Variants in KRT6A observed in about 807,000 individuals in gnomAD.
KRT6A encodes keratin 6A.
A neutral mutation model predicts 48.6 loss-of-function variants in KRT6A; 28 were observed. The ratio of observed to expected loss-of-function variants is 0.58; its 90% CI spans 0.43 to 0.79. KRT6A has a LOEUF of 0.79. Among genes scored for constraint, KRT6A ranks in the 30% least tolerant of loss-of-function variants. The pLI is 0.00. For missense variants in KRT6A, 687 were observed against 724.3 expected, an observed-to-expected ratio of 0.95 and a Z score of 0.59; for synonymous variants, 301 against 294.2, an observed-to-expected ratio of 1.02 and a Z score of -0.24.
chr12:52,491,278 C>T, intron 2 of KRT6A, 106 bp from the exon 3 acceptor site: 1 of 1,597,718 alleles, frequency 6.3e-7, no homozygotes, highest in Non-Finnish European at 8.6e-7. Flanking sequence ...TCTAATTGGG[C>T]TTTCCTGCCA....
At chr12:52,491,252 C>G in intron 2 of KRT6A, 80 bp from the exon 3 acceptor site, 1 of 1,609,322 alleles carries the variant, frequency 6.2e-7, no homozygotes, top group Non-Finnish European at 8.5e-7. Flanking sequence ...TCAACATTTT[C>G]CCGAATGGAA....
Position 52,490,023 on chromosome 12 carries a change from G to C in KRT6A, c.1123C>G (p.Arg375Gly). Residue 375 changes from arginine to glycine, a missense_variant, in exon 6 of 9, where the codon CGC becomes GGC. Arg to Gly is a moderately radical substitution (Grantham distance 125, BLOSUM62 -2). Coordinates refer to ENST00000330722, the MANE Select transcript of KRT6A (RefSeq NM_005554.4). ...VTAGRHGDDL[R>G]NTKQEIAEIN... ...TCAGCAATCTCCTGCTTGGTGTTGCGCAGGTCGTCCCCATGTCTGCCTGCT... is the reference window on the plus strand; with the variant it reads ...TCAGCAATCTCCTGCTTGGTGTTGCCCAGGTCGTCCCCATGTCTGCCTGCT... 1 of 1,613,974 alleles carries C rather than the reference G, an allele frequency of 6.2e-7. No individual in the cohort carries two copies. Among genetic ancestry groups the C allele is most frequent in the Non-Finnish European group, 8.5e-7 (1 of 1,180,010 alleles).
intron 1 of KRT6A, 114 bp from the exon 2 acceptor site, chr12:52,491,850 C>T: frequency 7.4e-7 from 1 of 1,358,444 alleles, no homozygotes. Flanking sequence ...TACTACAGTG[C>T]ATGTAGAGAG....
chr12:52,489,339 C>A (rs775241279), intron 6 of KRT6A, among the ~76,000 whole-genome samples: 5 of 152,046 alleles, frequency 3.3e-5, no homozygotes, highest in Non-Finnish European at 7.4e-5. Flanking sequence ...AGTGCAGTGG[C>A]GCGGTATCGA....
chr12:52,492,664 G>A lies in KRT6A; in HGVS notation c.525C>T (p.Ala175=), dbSNP rs1358314089. 2 of 1,613,938 alleles carry A rather than the reference G, an allele frequency of 1.2e-6. No individual in the cohort carries two copies. Among genetic ancestry groups the A allele is most frequent in the East Asian group, 2.2e-5 (1 of 44,886 alleles). The change falls in exon 1 of 9, where the codon GCC becomes GCT. Residue 175 remains alanine, a synonymous_variant. Transcript: ENST00000330722. ...ACTGGCTCACCTTGTCGATGAAGGA[G>A]GCAAACTTGTTGTTGAGGGTCTTGA... The part of the protein sequence containing the change: ...EQIKTLNNKF[A]SFIDKVRFLE...
chr12:52,492,763 C>G lies in KRT6A; in HGVS notation c.426G>C (p.Gln142His). ...GCAGGTTGAGGGGAGTCAGGAGACT[C>G]TGGTTGACGGTGACCTCTTGGATGC... ...PGGIQEVTVN[Q>H]SLLTPLNLQI... The change falls in exon 1 of 9, where the codon CAG becomes CAC. Residue 142 changes from glutamine to histidine, a missense_variant. Physicochemically the swap from Gln to His is conservative, Grantham distance 24 (BLOSUM62 0). Transcript: ENST00000330722. 6.2e-7 allele frequency: 1 copy of G among 1,613,886 alleles called. No individual in the cohort carries two copies. Among genetic ancestry groups the G allele is most frequent in the Non-Finnish European group, 8.5e-7 (1 of 1,179,950 alleles).
At position 52,490,708 on chromosome 12, in the gene KRT6A, A is replaced by T. The variant is rs1398486855; in HGVS notation, c.938T>A (p.Ile313Asn). Residue 313 changes from isoleucine (I) to asparagine (N), a missense_variant, in exon 5 of 9, where the codon ATC becomes AAC. Physicochemically the swap from Ile to Asn is moderately radical, Grantham distance 149. This residue lies in a region of KRT6A where 566 missense variants were observed against 565.3 expected (regional missense o/e 1.00). Coordinates refer to ENST00000330722, the MANE Select transcript of KRT6A (RefSeq NM_005554.4). ...DAELSQMQTH[I>N]SDTSVVLSMD... is the part of the protein sequence containing the mutation. Reference sequence around the variant, plus strand: ...GGACAGCACCACAGATGTGTCTGAGATGTGGGTCTGCATCTGGGACAGCTC... The same window carrying T: ...GGACAGCACCACAGATGTGTCTGAGTTGTGGGTCTGCATCTGGGACAGCTC... 1 of 1,614,226 alleles carries T rather than the reference A, an allele frequency of 6.2e-7. No individual in the cohort carries two copies. Among genetic ancestry groups the T allele is most frequent in the African/African-American group, 1.3e-5 (1 of 75,044 alleles).
chr12:52,492,334 G>A (rs775838930), intron 1 of KRT6A, among the ~76,000 whole-genome samples: 21 of 151,862 alleles, frequency 1.4e-4, no homozygotes, highest in Non-Finnish European at 8.8e-5. Flanking sequence ...TTACCAGCCC[G>A]TGTACTCCTG....
At chr12:52,491,774 G>A (rs1170724355) in intron 1 of KRT6A, 38 bp from the exon 2 acceptor site, 2 of 1,613,448 alleles carry the variant, frequency 1.2e-6, no homozygotes, top group Admixed American at 1.7e-5. Context: ...CCAGGCAAGG[G>A]AAGGAAGAAA....
chr12:52,493,059 T>A lies in KRT6A; in HGVS notation c.130A>T (p.Ser44Cys). 6.2e-7 allele frequency: 1 copy of A among 1,612,978 alleles called. No individual in the cohort carries two copies. Among genetic ancestry groups the A allele is most frequent in the South Asian group, 1.1e-5 (1 of 91,016 alleles). ...CCACATGCACCACCCAGGCCACCAC[T>A]GCCCCTGGAGCGGGACACGGAGACG... ...SSVSVSRSRG[S>C]GGLGGACGGA... The change falls in exon 1 of 9, where the codon AGT (serine) becomes TGT (cysteine). Residue 44 changes from serine to cysteine, a missense_variant. Around this residue, in one of 3 missense-constraint regions of KRT6A, gnomAD observed 72 missense variants for 61.8 expected, o/e 1.17. Coordinates refer to ENST00000330722, the MANE Select transcript of KRT6A (RefSeq NM_005554.4).
intron 2 of KRT6A, 42 bp downstream of exon 2, chr12:52,491,480 T>C (rs777145307): frequency 6.2e-7 from 1 of 1,606,654 alleles, no homozygotes; most frequent in Admixed American, 1.7e-5. Flanking sequence ...TCTTGAAGTG[T>C]GTGCTGCAGG....
At chr12:52,489,462 A>T (rs376072221) in intron 6 of KRT6A, among the ~76,000 whole-genome samples, 72 of 151,888 alleles carry the variant, frequency 4.7e-4, no homozygotes, top group Non-Finnish European at 8.1e-4. Flanking sequence ...TGTATTTTTA[A>T]TAGAGGCGGC....
intron 5 of KRT6A, 115 bp from the exon 6 acceptor site, chr12:52,490,183 A>G: frequency 6.3e-7 from 1 of 1,592,800 alleles, no homozygotes; most frequent in Non-Finnish European, 8.6e-7. Context: ...TCTCCTCAAG[A>G]AACTTGAGGA....
Position 52,488,430 on chromosome 12 carries a change from A to C in KRT6A, c.1322T>G (p.Leu441Arg). The C allele has an allele frequency of 6.2e-7, 1 of 1,614,158 alleles. No individual in the cohort carries two copies. Among genetic ancestry groups the C allele is most frequent in the Non-Finnish European group, 8.5e-7 (1 of 1,180,032 alleles). Reference sequence around the variant, plus strand: ...CTGGTACTCCTTCAGCAGCCGGGCCAGGTCCTGCTTGGCCTTCTGCAGGGC... The same window carrying C: ...CTGGTACTCCTTCAGCAGCCGGGCCCGGTCCTGCTTGGCCTTCTGCAGGGC... ...EDALQKAKQD[L>R]ARLLKEYQEL... The change falls in exon 7 of 9, where the codon CTG (leucine) becomes CGG (arginine). Residue 441 changes from leucine (L) to arginine (R), a missense_variant. Transcript: ENST00000330722.
rs1395122761 is a variant in KRT6A, at chr12:52,491,733, G to A, written c.544C>T (p.Arg182Trp). 3.1e-6 allele frequency: 5 copies of A among 1,614,026 alleles called. No individual in the cohort carries two copies. Among genetic ancestry groups the A allele is most frequent in the Admixed American group, 1.7e-5 (1 of 60,000 alleles). ...ACCTTGTTCTGCTGCTCCAGGAACC[G>A]CACCTGAAAGAGAGACAAGATGATC... Reference protein sequence around the residue: ...NKFASFIDKVRFLEQQNKVLE... With the variant: ...NKFASFIDKVWFLEQQNKVLE... The change falls in exon 2 of 9, where the codon CGG (arginine) becomes TGG (tryptophan). Residue 182 changes from arginine to tryptophan, a missense_variant. This residue lies in a region of KRT6A where 566 missense variants were observed against 565.3 expected (regional missense o/e 1.00). Transcript: ENST00000330722.
chr12:52,492,797 G>T lies in KRT6A; in HGVS notation c.392C>A (p.Pro131His). The change falls in exon 1 of 9, where the codon CCC becomes CAC. Residue 131 changes from proline to histidine, a missense_variant. Pro to His is a moderately conservative substitution (Grantham distance 77, BLOSUM62 -2). This residue lies in a region of KRT6A where 566 missense variants were observed against 565.3 expected (regional missense o/e 1.00). Transcript: ENST00000330722. ...GGTGACCTCTTGGATGCCTCCAGGG[G>T]GGCACACAGGGAAGCCAGGGCCCCC... The part of the protein sequence containing the change: ...GFGGPGFPVC[P>H]PGGIQEVTVN... 1 of 1,613,244 alleles carries T rather than the reference G, an allele frequency of 6.2e-7. No individual in the cohort carries two copies. Among genetic ancestry groups the T allele is most frequent in the Non-Finnish European group, 8.5e-7 (1 of 1,179,742 alleles).
chr12:52,492,814 A>G lies in KRT6A; in HGVS notation c.375T>C (p.Pro125=), dbSNP rs200967849. The G allele has an allele frequency of 1.7e-3, 2,755 of 1,612,592 alleles. 3 individuals are homozygous for G. Among genetic ancestry groups the G allele is most frequent in the Non-Finnish European group, 2.1e-3 (2,421 of 1,179,528 alleles). Residue 125 remains proline, a synonymous_variant, in exon 1 of 9, where the codon CCT becomes CCC. Transcript: ENST00000330722. The stretch of plus-strand genomic sequence containing the variant: ...CTCCAGGGGGGCACACAGGGAAGCC[A>G]GGGCCCCCAAAGCCACCAGCAAGGC... ...GAGLAGGFGG[P]GFPVCPPGGI...
chr12:52,491,629 CT>C lies in KRT6A; in HGVS notation c.647del (p.Gln216ArgfsTer53). ...GCTGCCTCCTGAGGTTGTTGATGTA[CT>C]GCTCGAACAACGGCTCCAGGTTCTG... ...VRQNLEPLFE[Q>X]YINNLRRQLD... On this transcript the variant is annotated frameshift_variant, in exon 2 of 9. Coordinates refer to ENST00000330722, the MANE Select transcript of KRT6A (RefSeq NM_005554.4). LOFTEE classifies it high-confidence loss of function. 6.2e-7 allele frequency: 1 copy of C among 1,614,230 alleles called. No individual in the cohort carries two copies. The highest frequency in any genetic ancestry group is 8.5e-7 in the Non-Finnish European group (1 of 1,180,042).
At position 52,490,634 on chromosome 12, in the gene KRT6A, T is replaced by C. The variant is rs1196935826; in HGVS notation, c.1012A>G (p.Lys338Glu). ...TGAGCAATCTCCTCATATTGGGCCT[T>C]GACCTCAGCGATGATGCTGTCCAGG... is the stretch of plus-strand genomic sequence containing the variant. ...LDLDSIIAEV[K>E]AQYEEIAQRS... Residue 338 changes from lysine (K) to glutamate (E), a missense_variant, in exon 5 of 9, where the codon AAG (lysine) becomes GAG (glutamate). By Grantham distance (56) the Lys-to-Glu change is moderately conservative. Transcript: ENST00000330722. The C allele has an allele frequency of 7.4e-6, 12 of 1,614,218 alleles. No individual in the cohort carries two copies. The highest frequency in any genetic ancestry group is 8.5e-6 in the Non-Finnish European group (10 of 1,180,046).
Sources: allele counts gnomAD v4.1 joint callset (sites outside exome capture counted in the v4.1 genomes callset), GRCh38; gene constraint gnomAD v4.1.1; regional missense constraint gnomAD v4.1.1; transcripts MANE v1.5; gene names NCBI Gene and HGNC (gene_info 2026-07-23, HGNC 2026-07-21).